The following GAS2L3 variants were observed in gnomAD, a reference collection of about 807,000 sequenced individuals.
The protein encoded by GAS2L3 is GAS2-like protein 3.
A neutral mutation model predicts 37.0 loss-of-function variants in GAS2L3; 28 were observed. The ratio of observed to expected loss-of-function variants is 0.76; its 90% CI spans 0.56 to 1.04. The LOEUF (loss-of-function observed/expected upper bound fraction) is 1.04, where lower values mean the gene tolerates loss of function less well. Among genes scored for constraint, GAS2L3 ranks in the 50% least tolerant of loss-of-function variants. GAS2L3 has a pLI of 0.00. For synonymous variants in GAS2L3, 290 were observed against 296.6 expected (o/e 0.98, Z 0.23); for missense variants, 793 against 817.6 (o/e 0.97, Z 0.37).
At chr12:100,616,518 C>T (rs944827678) in intron 6 of GAS2L3, among the ~76,000 whole-genome samples, 4 of 151,958 alleles carry the variant, frequency 2.6e-5, no homozygotes, top group Admixed American at 1.3e-4. Flanking sequence ...TCACTGTAGT[C>T]TTGAACTCAT....
intron 5 of GAS2L3, among the ~76,000 whole-genome samples, chr12:100,605,217 C>T (rs559027463): frequency 6.6e-6 from 1 of 152,052 alleles, no homozygotes; most frequent in Non-Finnish European, 1.5e-5. Flanking sequence ...CCTAGGGTCC[C>T]AGGCTTTTCT....
chr12:100,614,453 A>C (rs557747201), intron 6 of GAS2L3, among the ~76,000 whole-genome samples: 46 of 151,972 alleles, frequency 3.0e-4, no homozygotes, highest in African/African-American at 1.1e-3. Flanking sequence ...AAAGAGTGAG[A>C]CTCATAAAAA....
chr12:100,617,249 A>G (rs1417465344), intron 6 of GAS2L3, among the ~76,000 whole-genome samples: 3 of 152,070 alleles, frequency 2.0e-5, no homozygotes, highest in African/African-American at 7.2e-5. Context: ...TATTCATAAG[A>G]CATATTGGGT....
chr12:100,580,514 T>C (rs1955697510), intron 1 of GAS2L3, among the ~76,000 whole-genome samples: 1 of 152,216 alleles, frequency 6.6e-6, no homozygotes, highest in South Asian at 2.1e-4. Context: ...CTTTGGGTGC[T>C]GAAGGGCCAA....
At position 100,624,443 on chromosome 12, in the gene GAS2L3, A is replaced by G. The variant is rs764798460; in HGVS notation, c.1638A>G (p.Ala546=). ...QSQPSDGAPQ[A]KPVPAQKLKS... ...AACCATCCGATGGAGCCCCACAAGC[A>G]AAGCCAGTCCCAGCACAGAAACTTA... Residue 546 remains alanine (A), a synonymous_variant, in exon 10 of 10, where the codon GCA becomes GCG. Transcript: ENST00000547754. The G allele has an allele frequency of 6.2e-7, 1 of 1,614,102 alleles. No individual in the cohort carries two copies.
rs757636275 is a variant in GAS2L3, at chr12:100,623,929, A to G, written c.1124A>G (p.Asn375Ser). Residue 375 changes from asparagine (N) to serine (S), a missense_variant, in exon 10 of 10, where the codon AAT (asparagine) becomes AGT (serine). Coordinates refer to ENST00000547754, the MANE Select transcript of GAS2L3 (RefSeq NM_174942.3). The part of the protein sequence containing the change: ...GSMSVRSKLP[N>S]SPAASSHPKL... ...ATGTCAGTCCGTTCTAAATTGCCAAATTCTCCAGCAGCATCTTCTCATCCC... is the reference window on the plus strand; with the variant it reads ...ATGTCAGTCCGTTCTAAATTGCCAAGTTCTCCAGCAGCATCTTCTCATCCC... The G allele has an allele frequency of 6.2e-6, 10 of 1,613,994 alleles. No homozygotes were observed. The South Asian group carries it at 1.1e-4, about 18-fold the overall frequency.
intron 9 of GAS2L3, among the ~76,000 whole-genome samples, chr12:100,623,336 C>T (rs1956282575): frequency 6.6e-6 from 1 of 152,106 alleles, no homozygotes; most frequent in Non-Finnish European, 1.5e-5. Context: ...ATGTAAATAC[C>T]TTCCTTACAA....
At position 100,625,010 on chromosome 12, in the gene GAS2L3, G is replaced by C; in HGVS notation, c.*120G>C. On this transcript the variant is annotated 3_prime_UTR_variant, in exon 10 of 10. Coordinates refer to ENST00000547754, the MANE Select transcript of GAS2L3 (RefSeq NM_174942.3). ...GCAGACACTAAGGATAGTGAGGATG[G>C]AGGCTGGGATGAGGAAAGGGTTCAT... 1 of 776,424 alleles carries C rather than the reference G, an allele frequency of 1.3e-6. No homozygotes were observed. The highest frequency in any genetic ancestry group is 2.5e-5 in the East Asian group (1 of 40,004). The allele number at this position is 776,424 out of a possible 1,614,324, so 48.1% of individuals were successfully genotyped here.
chr12:100,597,627 ATTTTATT>A (rs886310283), intron 3 of GAS2L3, among the ~76,000 whole-genome samples: 19 of 151,446 alleles, frequency 1.3e-4, no homozygotes, highest in African/African-American at 2.7e-4. Context: ...ATTTACTTTT[ATTTTATT>A]TTTTATTTTT....
intron 5 of GAS2L3, among the ~76,000 whole-genome samples, chr12:100,604,479 T>G (rs1462249732): frequency 6.6e-6 from 1 of 150,856 alleles, no homozygotes; most frequent in Non-Finnish European, 1.5e-5. Flanking sequence ...TAGTTGTTTT[T>G]TTTTTTTTTT....
At chr12:100,577,688 G>C (rs1223763199) in intron 1 of GAS2L3, among the ~76,000 whole-genome samples, 2 of 152,120 alleles carry the variant, frequency 1.3e-5, no homozygotes, top group Non-Finnish European at 2.9e-5. Context: ...CCACCTTAAG[G>C]ATCTTATTTT....
At chr12:100,604,474 G>GTT (rs56690394) in intron 5 of GAS2L3, among the ~76,000 whole-genome samples, 21,422 of 129,112 alleles carry the variant, frequency 0.17, 2,551 homozygotes, top group East Asian at 0.48. Context: ...AGCTGTAGTT[G>GTT]TTTTTTTTTT....
intron 6 of GAS2L3, among the ~76,000 whole-genome samples, chr12:100,616,413 T>C (rs979530748): frequency 1.1e-3 from 166 of 151,990 alleles, no homozygotes; most frequent in Middle Eastern, 0.01. Context: ...TGTTACCTGT[T>C]TTTTGTTTTT....
chr12:100,616,169 T>C (rs1461166677), intron 6 of GAS2L3, among the ~76,000 whole-genome samples: 1 of 152,218 alleles, frequency 6.6e-6, no homozygotes, highest in Non-Finnish European at 1.5e-5. Context: ...CAGTGTTTTA[T>C]AGTTTTCAGT....
intron 5 of GAS2L3, among the ~76,000 whole-genome samples, chr12:100,610,177 A>C (rs1956108946): frequency 6.6e-6 from 1 of 152,266 alleles, no homozygotes; most frequent in African/African-American, 2.4e-5. Context: ...TTATTCTGAG[A>C]AAATAATCAG....
chr12:100,622,635 G>T (rs998006663), intron 9 of GAS2L3, among the ~76,000 whole-genome samples: 1 of 150,680 alleles, frequency 6.6e-6, no homozygotes, highest in African/African-American at 2.4e-5. Context: ...GTATAATGGG[G>T]AAAAATCCTT....
In GAS2L3 at chr12:100,624,706, C is replaced by T; in HGVS notation, c.1901C>T (p.Thr634Ile). ...KTQTAPKSAQ[T>I]VAKSQHSTKG... Reference sequence around the variant, plus strand: ...CAAACTGCACCGAAGTCAGCACAGACTGTCGCTAAGAGCCAGCATTCAACT... The same window carrying T: ...CAAACTGCACCGAAGTCAGCACAGATTGTCGCTAAGAGCCAGCATTCAACT... Residue 634 changes from threonine (T) to isoleucine (I), a missense_variant, in exon 10 of 10, where the codon ACT (threonine) becomes ATT (isoleucine). Thr to Ile is a moderately conservative substitution (Grantham distance 89). Coordinates refer to ENST00000547754, the MANE Select transcript of GAS2L3 (RefSeq NM_174942.3). 6.2e-7 allele frequency: 1 copy of T among 1,614,074 alleles called. No homozygotes were observed. Among genetic ancestry groups the T allele is most frequent in the South Asian group, 1.1e-5 (1 of 91,082 alleles).
At chr12:100,606,436 C>T (rs1459043566) in intron 5 of GAS2L3, among the ~76,000 whole-genome samples, 2 of 151,914 alleles carry the variant, frequency 1.3e-5, no homozygotes, top group African/African-American at 4.8e-5. Flanking sequence ...CTTGCTTTTT[C>T]ATCCATTCAG....
chr12:100,624,427 A>T lies in GAS2L3; in HGVS notation c.1622A>T (p.Asp541Val). 1 of 1,614,054 alleles carries T rather than the reference A, an allele frequency of 6.2e-7. No individual in the cohort carries two copies. The highest frequency in any genetic ancestry group is 1.7e-5 in the Admixed American group (1 of 59,970). ...CTAGGAACACAGTCTCAACCATCCG[A>T]TGGAGCCCCACAAGCAAAGCCAGTC... is the stretch of plus-strand genomic sequence containing the variant. ...TGLGTQSQPSDGAPQAKPVPA... is the reference protein window; with the variant it reads ...TGLGTQSQPSVGAPQAKPVPA... Residue 541 changes from aspartate to valine, a missense_variant, in exon 10 of 10, where the codon GAT becomes GTT. Coordinates refer to ENST00000547754, the MANE Select transcript of GAS2L3 (RefSeq NM_174942.3).
Sources: allele counts gnomAD v4.1 joint callset (sites outside exome capture counted in the v4.1 genomes callset), GRCh38; gene constraint gnomAD v4.1.1; transcripts MANE v1.5; gene names NCBI Gene and HGNC (gene_info 2026-07-23, HGNC 2026-07-21).